The following SUPT3H variants were observed in gnomAD, a reference collection of about 807,000 sequenced individuals.
The protein encoded by SUPT3H is SPT3 homolog, SAGA and STAGA complex component, also known as transcription initiation protein SPT3 homolog.
A neutral mutation model predicts 44.3 loss-of-function variants in SUPT3H; 44 were observed. The observed-to-expected ratio is 0.99, with a 90% CI of 0.78 to 1.28. SUPT3H has a LOEUF of 1.28. SUPT3H is among the 50% of genes most tolerant of loss of function. The pLI is 0.00. For synonymous variants in SUPT3H, 124 were observed against 125.6 expected, an observed-to-expected ratio of 0.99 and a Z score of 0.09; for missense variants, 380 against 387.1, an observed-to-expected ratio of 0.98 and a Z score of 0.15.
intron 7 of SUPT3H, among the ~76,000 whole-genome samples, chr6:44,957,348 G>A (rs1459216972): frequency 1.3e-5 from 2 of 151,980 alleles, no homozygotes; most frequent in African/African-American, 2.4e-5. Flanking sequence ...CCCCCTTAAA[G>A]CTATCTCCCC....
chr6:45,348,147 G>T (rs573893877), intron 2 of SUPT3H, among the ~76,000 whole-genome samples: 258 of 151,792 alleles, frequency 1.7e-3, no homozygotes, highest in Non-Finnish European at 3.1e-3. Context: ...GAGAAAAAAG[G>T]GGCATACTTA....
intron 6 of SUPT3H, among the ~76,000 whole-genome samples, chr6:44,962,621 C>CTTTA (rs1038985754): frequency 6.6e-6 from 1 of 151,452 alleles, no homozygotes; most frequent in African/African-American, 2.4e-5. Context: ...AGCAAGTTAC[C>CTTTA]TTTACCATCG....
intron 2 of SUPT3H, among the ~76,000 whole-genome samples, chr6:45,199,962 G>C (rs749189188): frequency 1.3e-5 from 2 of 151,186 alleles, no homozygotes; most frequent in African/African-American, 2.4e-5. Flanking sequence ...GTTTGTATCT[G>C]AAATACTATA....
intron 3 of SUPT3H, among the ~76,000 whole-genome samples, chr6:45,073,809 A>G (rs1304295813): frequency 1.3e-5 from 2 of 152,024 alleles, no homozygotes; most frequent in Non-Finnish European, 2.9e-5. Flanking sequence ...GGAGCTATAT[A>G]AGGTGAGAAT....
intron 2 of SUPT3H, among the ~76,000 whole-genome samples, chr6:45,344,199 T>C (rs570667203): frequency 6.6e-6 from 1 of 152,188 alleles, no homozygotes; most frequent in Non-Finnish European, 1.5e-5. Flanking sequence ...AGTTAGACCA[T>C]GACAAAGTTC....
chr6:44,858,661 C>T (rs1187660270), intron 10 of SUPT3H, among the ~76,000 whole-genome samples: 3 of 152,128 alleles, frequency 2.0e-5, no homozygotes, highest in African/African-American at 7.2e-5. Flanking sequence ...TGTGCTTTAT[C>T]TCTAAATCTA....
intron 3 of SUPT3H, among the ~76,000 whole-genome samples, chr6:45,022,311 CTA>C (rs780636096): frequency 6.6e-6 from 1 of 151,920 alleles, no homozygotes; most frequent in Non-Finnish European, 1.5e-5. Context: ...TAAATAATCT[CTA>C]TTCATAACAT....
rs752017423 is a variant in SUPT3H, at chr6:45,235,777, G to A, written c.101+129424C>T. On this transcript the variant is annotated intron_variant, in intron 2 of 10. Transcript: ENST00000371459. ...CTGGCCATAAGCTGACCTCAAAACC[G>A]GCCATAAACAAAATCTCTGCAGCAC... Among the ~76,000 whole-genome samples, 93 of 152,114 alleles carry A rather than the reference G, an allele frequency of 6.1e-4. 2 individuals are homozygous for A. In the Middle Eastern group the frequency reaches 0.01, roughly 17 times the overall value.
At chr6:44,933,112 T>C (rs1770856364) in intron 9 of SUPT3H, among the ~76,000 whole-genome samples, 1 of 152,220 alleles carries the variant, frequency 6.6e-6, no homozygotes, top group African/African-American at 2.4e-5. Flanking sequence ...AAAAAACATT[T>C]TAACATTTAT....
intron 6 of SUPT3H, among the ~76,000 whole-genome samples, chr6:44,985,291 G>A (rs12662133): frequency 6.6e-6 from 1 of 151,928 alleles, no homozygotes; most frequent in Non-Finnish European, 1.5e-5. Flanking sequence ...CAGCTACTTA[G>A]GAGTCTGAGG....
intron 3 of SUPT3H, among the ~76,000 whole-genome samples, chr6:45,089,311 T>C (rs999582996): frequency 6.6e-6 from 1 of 152,090 alleles, no homozygotes; most frequent in African/African-American, 2.4e-5. Flanking sequence ...ATTTCTTATT[T>C]CAATGATGTT....
chr6:45,238,188 C>T (rs1769567168), intron 2 of SUPT3H, among the ~76,000 whole-genome samples: 2 of 152,118 alleles, frequency 1.3e-5, no homozygotes, highest in South Asian at 4.1e-4. Flanking sequence ...CTTTGTGCTG[C>T]CCCAACTCGA....
intron 10 of SUPT3H, among the ~76,000 whole-genome samples, chr6:44,896,302 AATC>A (rs1339952268): frequency 3.3e-5 from 5 of 152,166 alleles, no homozygotes; most frequent in African/African-American, 4.8e-5. Context: ...TCATCTGCAA[AATC>A]ATCATCATCA....
intron 2 of SUPT3H, among the ~76,000 whole-genome samples, chr6:45,294,384 G>A (rs779203630): frequency 2.2e-4 from 33 of 152,044 alleles, no homozygotes; most frequent in Non-Finnish European, 3.7e-4. Context: ...TACTGAATGG[G>A]GAAAAGTTGA....
intron 7 of SUPT3H, among the ~76,000 whole-genome samples, chr6:44,960,691 A>C (rs1045169320): frequency 6.6e-6 from 1 of 152,144 alleles, no homozygotes; most frequent in African/African-American, 2.4e-5. Flanking sequence ...TAAACCTAAA[A>C]ATTACAATAC....
intron 6 of SUPT3H, among the ~76,000 whole-genome samples, chr6:44,993,659 A>G (rs1056877530): frequency 2.0e-5 from 3 of 152,260 alleles, no homozygotes; most frequent in Admixed American, 1.3e-4. Context: ...TACAGTTCCT[A>G]TGCCAGAATA....
intron 2 of SUPT3H, among the ~76,000 whole-genome samples, chr6:45,122,369 TTAAAACCCTAA>T (rs1397994737): frequency 2.0e-5 from 3 of 152,164 alleles, no homozygotes; most frequent in South Asian, 2.1e-4. Context: ...CTTTATATAG[TTAAAACCCTAA>T]TAAAACCCTA....
At chr6:44,841,764 G>A (rs1770982356) in intron 10 of SUPT3H, among the ~76,000 whole-genome samples, 1 of 152,158 alleles carries the variant, frequency 6.6e-6, no homozygotes, top group Non-Finnish European at 1.5e-5. Flanking sequence ...GGGGAACTCA[G>A]GTTTGGAAAC....
intron 2 of SUPT3H, among the ~76,000 whole-genome samples, chr6:45,106,506 T>C (rs948867409): frequency 6.6e-6 from 1 of 152,136 alleles, no homozygotes; most frequent in Non-Finnish European, 1.5e-5. Flanking sequence ...TGCAGTGTTA[T>C]CTATGCTATT....
Sources: gnomAD v4.1 joint callset for allele counts (sites outside exome capture counted in the v4.1 genomes callset) on GRCh38, gnomAD v4.1.1 for gene constraint, MANE v1.5 for transcripts, NCBI Gene and HGNC (gene_info 2026-07-23, HGNC 2026-07-21) for gene names.